MAN2A1: variants seen among roughly 807,000 people sequenced by gnomAD.
MAN2A1 encodes alpha-mannosidase 2.
MAN2A1 carries 76 observed loss-of-function variants against 142.6 expected under a neutral mutation model. The observed-to-expected ratio is 0.53, with a 90% CI of 0.44 to 0.65. The LOEUF is 0.65. MAN2A1 is among the 30% of genes least tolerant of loss of function. The probability of loss-of-function intolerance (pLI) is 0.00; values close to 1 mark genes in which losing one functional copy is unlikely to be tolerated. For synonymous variants in MAN2A1, 559 were observed against 473.2 expected (o/e 1.18, Z -2.35); for missense variants, 1,311 against 1,365.1 (o/e 0.96, Z 0.62).
chr5:109,739,707 T>A (rs1561487719), intron 4 of MAN2A1, among the ~76,000 whole-genome samples: 1 of 152,324 alleles, frequency 6.6e-6, no homozygotes, highest in South Asian at 2.1e-4. Context: ...CCCTTTCTTT[T>A]CTAACCATAT....
intron 9 of MAN2A1, among the ~76,000 whole-genome samples, chr5:109,782,739 G>A (rs188759737): frequency 4.3e-4 from 65 of 151,936 alleles, no homozygotes; most frequent in African/African-American, 1.4e-3. Flanking sequence ...ACTGTTACTC[G>A]TAATATGCCA....
chr5:109,839,079 T>C (rs566030570), intron 16 of MAN2A1, among the ~76,000 whole-genome samples: 3 of 152,172 alleles, frequency 2.0e-5, no homozygotes, highest in Non-Finnish European at 4.4e-5. Context: ...AAACATAAAA[T>C]AGTACTAAAA....
chr5:109,852,144 C>CA (rs35901259), intron 19 of MAN2A1, among the ~76,000 whole-genome samples: 52,319 of 143,406 alleles, frequency 0.36, 9,550 homozygotes, highest in African/African-American at 0.49. Flanking sequence ...GGCTTAAAAA[C>CA]AAAAAAAAAA....
chr5:109,865,392 T>C, intron 21 of MAN2A1: 1 of 449,910 alleles, frequency 2.2e-6, no homozygotes, highest in Non-Finnish European at 4.1e-6. Context: ...TCTTGTTATT[T>C]CCTAGGCCTT....
At chr5:109,810,169 A>G (rs1482050959) in intron 12 of MAN2A1, among the ~76,000 whole-genome samples, 1 of 151,968 alleles carries the variant, frequency 6.6e-6, no homozygotes, top group Non-Finnish European at 1.5e-5. Flanking sequence ...CATGTCAGCT[A>G]ACTTCAATAT....
At chr5:109,833,727 G>A (rs181960114) in intron 16 of MAN2A1, among the ~76,000 whole-genome samples, 38 of 151,684 alleles carry the variant, frequency 2.5e-4, no homozygotes, top group African/African-American at 7.3e-4. Flanking sequence ...GATTGAAGGA[G>A]TTTTCTTATA....
chr5:109,813,760 C>T (rs185986779), intron 12 of MAN2A1, among the ~76,000 whole-genome samples: 3 of 152,304 alleles, frequency 2.0e-5, no homozygotes, highest in Admixed American at 2.0e-4. Flanking sequence ...TGAATTACTT[C>T]TATGAAAGGT....
At chr5:109,864,474 T>C (rs1460709809) in intron 20 of MAN2A1, 2 of 152,236 alleles carry the variant, frequency 1.3e-5, no homozygotes, top group South Asian at 2.1e-4. Flanking sequence ...AGCTGGTAAA[T>C]GTGAGCTGGC....
At chr5:109,859,287 G>A (rs1328290556) in intron 20 of MAN2A1, among the ~76,000 whole-genome samples, 1 of 152,148 alleles carries the variant, frequency 6.6e-6, no homozygotes, top group African/African-American at 2.4e-5. Context: ...TTCAGGGATT[G>A]CTCTATATTA....
Position 109,789,478 on chromosome 5 carries a change from C to G in MAN2A1, c.1894C>G (p.Gln632Glu). The change falls in exon 12 of 22, where the codon CAA becomes GAA. Residue 632 changes from glutamine to glutamate, a missense_variant. Gln to Glu is a conservative substitution (Grantham distance 29). Coordinates refer to ENST00000261483, the MANE Select transcript of MAN2A1 (RefSeq NM_002372.4). Reference protein sequence around the residue: ...FLEMDLKQKSQDSLPQKNIIR... With the variant: ...FLEMDLKQKSEDSLPQKNIIR... ...TTTATAGGATTTGAAACAAAAATCA[C>G]AAGATTCTCTGCCACAAAAAAATAT... is the stretch of plus-strand genomic sequence containing the variant. 1.9e-6 allele frequency: 3 copies of G among 1,586,336 alleles called. No individual in the cohort carries two copies. The highest frequency in any genetic ancestry group is 1.7e-6 in the Non-Finnish European group (2 of 1,163,680).
rs1251386011 is a variant in MAN2A1 at position 109,820,273 on chromosome 5, A to G, written c.2382A>G (p.Ser794=). Reference sequence around the variant, plus strand: ...ACCATGAAGTAAATGTGCAATTTTCATGGTATGGAACCACAATTAAAAGAG... The same window carrying G: ...ACCATGAAGTAAATGTGCAATTTTCGTGGTATGGAACCACAATTAAAAGAG... The part of the protein sequence containing the change: ...GKHHEVNVQF[S]WYGTTIKRDK... Residue 794 remains serine (S), a synonymous_variant, in exon 15 of 22, where the codon TCA becomes TCG. Coordinates refer to ENST00000261483, the MANE Select transcript of MAN2A1 (RefSeq NM_002372.4). 6.2e-7 allele frequency: 1 copy of G among 1,611,724 alleles called. No individual in the cohort carries two copies. The highest frequency in any genetic ancestry group is 8.5e-7 in the Non-Finnish European group (1 of 1,178,190).
At position 109,774,775 on chromosome 5, in the gene MAN2A1, GT is replaced by G. The variant is rs200066169; in HGVS notation, c.1197-5del. On this transcript the variant is annotated splice_polypyrimidine_tract_variant and intron_variant, in intron 7 of 21. Coordinates refer to ENST00000261483, the MANE Select transcript of MAN2A1 (RefSeq NM_002372.4). Reference sequence around the variant, plus strand: ...TCATATTTGCTGTTTTTTTGTGTTTGTTTTTTTTGTAGGGCTCGGATGCTAC... The same window carrying G: ...TCATATTTGCTGTTTTTTTGTGTTTGTTTTTTTGTAGGGCTCGGATGCTAC... The G allele has an allele frequency of 1.1e-5, 18 of 1,575,838 alleles. No homozygotes were observed. Among genetic ancestry groups the G allele is most frequent in the Admixed American group, 7.7e-5 (4 of 52,164 alleles).
intron 16 of MAN2A1, among the ~76,000 whole-genome samples, chr5:109,827,845 T>C (rs2112736907): frequency 6.6e-6 from 1 of 152,292 alleles, no homozygotes; most frequent in East Asian, 1.9e-4. Context: ...CTCACACCTG[T>C]AATTCCAGCA....
chr5:109,795,276 C>T lies in MAN2A1; in HGVS notation c.1943+5749C>T, dbSNP rs956769051. 2.0e-5 allele frequency among the ~76,000 whole-genome samples: 3 copies of T among 152,228 alleles called. No individual in the cohort carries two copies. In the South Asian group the frequency reaches 6.2e-4, roughly 32 times the overall value. On this transcript the variant is annotated intron_variant, in intron 12 of 21. Transcript: ENST00000261483. ...AGGAGAAAAGGCTCCACCTTTGTTC[C>T]AGTCCCTCCCACCCTTAGCATTTCT... is the stretch of plus-strand genomic sequence containing the variant.
intron 1 of MAN2A1, among the ~76,000 whole-genome samples, chr5:109,694,538 C>T (rs141427590): frequency 3.9e-5 from 6 of 152,094 alleles, no homozygotes; most frequent in African/African-American, 1.2e-4. Context: ...TTTGTGGAGA[C>T]GGGGTCTTAC....
chr5:109,823,418 C>G (rs1252783315), intron 15 of MAN2A1, among the ~76,000 whole-genome samples: 1 of 152,048 alleles, frequency 6.6e-6, no homozygotes, highest in Non-Finnish European at 1.5e-5. Flanking sequence ...ATTGCTGTTT[C>G]TAATAAGTAA....
intron 1 of MAN2A1, among the ~76,000 whole-genome samples, chr5:109,698,884 C>G (rs181814050): frequency 7.9e-4 from 121 of 152,228 alleles, no homozygotes; most frequent in Middle Eastern, 3.4e-3. Flanking sequence ...CTTTAGTCCA[C>G]TCTTCTCTGA....
intron 3 of MAN2A1, among the ~76,000 whole-genome samples, chr5:109,724,982 G>A (rs1751702585): frequency 6.6e-6 from 1 of 151,720 alleles, no homozygotes; most frequent in Admixed American, 6.6e-5. Context: ...AGTCCTTTTG[G>A]CTATACCTTT....
chr5:109,743,483 C>A (rs1236245241), intron 4 of MAN2A1, among the ~76,000 whole-genome samples: 1 of 152,156 alleles, frequency 6.6e-6, no homozygotes, highest in Non-Finnish European at 1.5e-5. Context: ...AGGAAAGTGC[C>A]TAAGGTCACC....
Sources: gnomAD v4.1 joint callset for allele counts (sites outside exome capture counted in the v4.1 genomes callset) on GRCh38, gnomAD v4.1.1 for gene constraint, MANE v1.5 for transcripts, NCBI Gene and HGNC (gene_info 2026-07-23, HGNC 2026-07-21) for gene names.